MZF1: variants seen among roughly 807,000 people sequenced by gnomAD.
The protein encoded by MZF1 is zinc finger and SCAN domain-containing protein 6.
A neutral mutation model predicts 28.6 loss-of-function variants in MZF1; 24 were observed. That is an observed-to-expected ratio of 0.84 (90% CI 0.61 to 1.18). The LOEUF is 1.18. Among genes scored for constraint, MZF1 ranks in the 50% most tolerant of loss-of-function variants. The pLI, the probability that MZF1 is intolerant of heterozygous loss-of-function variation, is 0.00. For missense variants in MZF1, 1,166 were observed against 1,026.4 expected, an observed-to-expected ratio of 1.14 and a Z score of -1.86; for synonymous variants, 516 against 432.5, an observed-to-expected ratio of 1.19 and a Z score of -2.40.
At chr19:58,563,720 T>C (rs999123617) in intron 5 of MZF1, 15 of 484,994 alleles carry the variant, frequency 3.1e-5, no homozygotes, top group Non-Finnish European at 4.3e-5. Context: ...GACTGGGCTA[T>C]GTGAAAAAGC....
chr19:58,563,809 AAAATGATGGTCTCAGC>A, intron 5 of MZF1: 1 of 275,438 alleles, frequency 3.6e-6, no homozygotes, highest in Middle Eastern at 9.9e-4. Flanking sequence ...GTCTAGGTGG[AAAATGATGGTCTCAGC>A]AAATGCAGGG....
chr19:58,566,489 C>T (rs1278079672), intron 5 of MZF1, among the ~76,000 whole-genome samples: 2 of 152,054 alleles, frequency 1.3e-5, no homozygotes, highest in Admixed American at 1.3e-4. Flanking sequence ...CTGGGAATGT[C>T]TTTGCTTCTG....
chr19:58,572,394 G>A (rs554270100), intron 1 of MZF1, among the ~76,000 whole-genome samples: 1 of 152,260 alleles, frequency 6.6e-6, no homozygotes, highest in Non-Finnish European at 1.5e-5. Context: ...GGGGTTGGAA[G>A]GGGATGGGGG....
chr19:58,572,064 G>C (rs1416769018), intron 1 of MZF1: 1 of 159,924 alleles, frequency 6.3e-6, no homozygotes, highest in Non-Finnish European at 1.4e-5. Flanking sequence ...CTGCGCTACA[G>C]CTCTCTCTTT....
At chr19:58,568,363 A>T (rs2054095154) in intron 5 of MZF1, 1 of 152,196 alleles carries the variant, frequency 6.6e-6, no homozygotes, top group African/African-American at 2.4e-5. Flanking sequence ...TTGGAGTGAA[A>T]AGATAAGAAC....
At chr19:58,570,877 TG>T in intron 2 of MZF1, 116 bp downstream of exon 2, 1 of 1,159,122 alleles carries the variant, frequency 8.6e-7, no homozygotes, top group Non-Finnish European at 1.2e-6. Flanking sequence ...CTGTTGCAGG[TG>T]GCCACTTCTG....
At chr19:58,564,911 T>TTTG (rs1568680398) in intron 5 of MZF1, among the ~76,000 whole-genome samples, 45 of 85,186 alleles carry the variant, frequency 5.3e-4, no homozygotes, top group South Asian at 1.7e-3. Flanking sequence ...TGTTTTTTTT[T>TTTG]TTTTTTTTTT....
At chr19:58,565,806 A>G in intron 5 of MZF1, among the ~76,000 whole-genome samples, 3 of 142,304 alleles carry the variant, frequency 2.1e-5, no homozygotes, top group East Asian at 2.3e-4. Context: ...TGCTGGGATT[A>G]CAGGCGTGAC....
intron 3 of MZF1, chr19:58,569,837 C>T: frequency 2.0e-6 from 1 of 491,014 alleles, no homozygotes; most frequent in Non-Finnish European, 3.6e-6. Flanking sequence ...CGTATGTGAA[C>T]CATGGGGCAA....
Position 58,563,255 on chromosome 19 carries a change from C to G in MZF1, c.1022G>C (p.Arg341Pro), listed in dbSNP as rs555856319. 5 of 1,607,538 alleles carry G rather than the reference C, an allele frequency of 3.1e-6. No homozygotes were observed. In the African/African-American group the frequency reaches 4.0e-5, roughly 13 times the overall value. The change falls in exon 6 of 6, where the codon CGG (arginine) becomes CCG (proline). Residue 341 changes from arginine (R) to proline (P), a missense_variant. Physicochemically the swap from Arg to Pro is moderately radical, Grantham distance 103 (BLOSUM62 -2). Coordinates refer to ENST00000215057, the MANE Select transcript of MZF1 (RefSeq NM_198055.2). ...CCCAGTGCTGGGGCGGCCCCGGCTC[C>G]GGCCCCTGGGGGAGCGCCAGCGGGT... ...ITTRWRSPRGRSRGRPSTGGG... is the reference protein window; with the variant it reads ...ITTRWRSPRGPSRGRPSTGGG...
At position 58,569,397 on chromosome 19, in the gene MZF1, T is replaced by C. The variant is rs1440577228; in HGVS notation, c.652A>G (p.Arg218Gly). Reference protein sequence around the residue: ...VPTLLPEEAQRCGTVLDQIFP... With the variant: ...VPTLLPEEAQGCGTVLDQIFP... ...ATCTGGTCCAGCACGGTCCCACATC[T>C]CTGAAATCACAGTGGTCACTGCTCC... Residue 218 changes from arginine (R) to glycine (G), a missense_variant and splice_region_variant, in exon 5 of 6, where the codon AGA (arginine) becomes GGA (glycine). Physicochemically the swap from Arg to Gly is moderately radical, Grantham distance 125. Coordinates refer to ENST00000215057, the MANE Select transcript of MZF1 (RefSeq NM_198055.2). 6 of 1,613,848 alleles carry C rather than the reference T, an allele frequency of 3.7e-6. No homozygotes were observed. Among genetic ancestry groups the C allele is most frequent in the Non-Finnish European group, 5.1e-6 (6 of 1,179,966 alleles).
Position 58,562,728 on chromosome 19 carries a change from C to G in MZF1, c.1549G>C (p.Glu517Gln). The G allele has an allele frequency of 2.0e-6, 3 of 1,536,066 alleles. No individual in the cohort carries two copies. Among genetic ancestry groups the G allele is most frequent in the Non-Finnish European group, 2.6e-6 (3 of 1,147,298 alleles). Reference protein sequence around the residue: ...HTGDKSFGCVECGERFGRRSV... With the variant: ...HTGDKSFGCVQCGERFGRRSV... ...CGGCGGCCGAAGCGCTCGCCGCACT[C>G]GACGCAGCCAAAGGACTTGTCGCCC... The change falls in exon 6 of 6, where the codon GAG (glutamate) becomes CAG (glutamine). Residue 517 changes from glutamate (E) to glutamine (Q), a missense_variant. Coordinates refer to ENST00000215057, the MANE Select transcript of MZF1 (RefSeq NM_198055.2).
chr19:58,562,972 C>T lies in MZF1; in HGVS notation c.1305G>A (p.Thr435=), dbSNP rs775905193. The change falls in exon 6 of 6, where the codon ACG becomes ACA. Residue 435 remains threonine (T), a synonymous_variant. Coordinates refer to ENST00000215057, the MANE Select transcript of MZF1 (RefSeq NM_198055.2). The stretch of plus-strand genomic sequence containing the variant: ...CAGCGCAACGGAAAGGCTGTTCGCC[C>T]GTGTGCACTCTCCGATGCTCTTCCA... ...ARLEEHRRVH[T]GEQPFRCAEC... 5.0e-6 allele frequency: 8 copies of T among 1,601,780 alleles called. No homozygotes were observed. The African/African-American group carries it at 5.3e-5, about 11-fold the overall frequency.
Position 58,571,316 on chromosome 19 carries a change from T to C in MZF1, c.74A>G (p.Glu25Gly). The C allele has an allele frequency of 6.2e-7, 1 of 1,614,162 alleles. No individual in the cohort carries two copies. The highest frequency in any genetic ancestry group is 8.5e-7 in the Non-Finnish European group (1 of 1,180,022). ...AGCCTCACCCTCCTCCTCAGAGTCC[T>C]CTAGCTTCACCATGACAGGCCCCTC... ...EDEGPVMVKL[E>G]DSEEEGEAAL... is the part of the protein sequence containing the mutation. Residue 25 changes from glutamate (E) to glycine (G), a missense_variant, in exon 2 of 6, where the codon GAG becomes GGG. Coordinates refer to ENST00000215057, the MANE Select transcript of MZF1 (RefSeq NM_198055.2).
In MZF1 at chr19:58,569,384, A is replaced by C. The variant is rs1269393564; in HGVS notation, c.665T>G (p.Val222Gly). ...GCTGTGGGGAAAGATCTGGTCCAGC[A>C]CGGTCCCACATCTCTGAAATCACAG... is the stretch of plus-strand genomic sequence containing the variant. ...LPEEAQRCGT[V>G]LDQIFPHSKT... The change falls in exon 5 of 6, where the codon GTG becomes GGG. Residue 222 changes from valine to glycine, a missense_variant. Physicochemically the swap from Val to Gly is moderately radical, Grantham distance 109 (BLOSUM62 -3). Coordinates refer to ENST00000215057, the MANE Select transcript of MZF1 (RefSeq NM_198055.2). 1 of 1,614,050 alleles carries C rather than the reference A, an allele frequency of 6.2e-7. No homozygotes were observed. Among genetic ancestry groups the C allele is most frequent in the Non-Finnish European group, 8.5e-7 (1 of 1,179,978 alleles).
At chr19:58,570,812 G>T in intron 2 of MZF1, 182 bp downstream of exon 2, 1 of 693,710 alleles carries the variant, frequency 1.4e-6, no homozygotes, top group Non-Finnish European at 2.4e-6. Flanking sequence ...GCAGGAATGG[G>T]CTGGGGAGTC....
chr19:58,567,219 A>G (rs1424001981), intron 5 of MZF1, among the ~76,000 whole-genome samples: 1 of 152,182 alleles, frequency 6.6e-6, no homozygotes, highest in African/African-American at 2.4e-5. Flanking sequence ...AGAAGATTCT[A>G]AAAACTCAGG....
intron 5 of MZF1, chr19:58,568,694 TAAGA>T (rs1318307075): frequency 6.6e-6 from 1 of 152,330 alleles, no homozygotes; most frequent in African/African-American, 2.4e-5. Flanking sequence ...AGGTGTGAAC[TAAGA>T]AAGAGGAGAC....
At chr19:58,568,228 T>C (rs1168332278) in intron 5 of MZF1, 1 of 151,600 alleles carries the variant, frequency 6.6e-6, no homozygotes. Flanking sequence ...CTGTGTGAAA[T>C]AGTGAGACCC....
Sources: allele counts gnomAD v4.1 joint callset (sites outside exome capture counted in the v4.1 genomes callset), GRCh38; gene constraint gnomAD v4.1.1; transcripts MANE v1.5; gene names NCBI Gene and HGNC (gene_info 2026-07-23, HGNC 2026-07-21).